The following IPO8 variants were observed in gnomAD, a reference collection of about 807,000 sequenced individuals.
IPO8 encodes the protein importin-8.
In IPO8, 65 loss-of-function variants were observed where a neutral mutation model predicts 141.2. The ratio of observed to expected loss-of-function variants is 0.46; its 90% CI spans 0.38 to 0.57. The LOEUF (loss-of-function observed/expected upper bound fraction) is 0.57, where lower values mean the gene tolerates loss of function less well. Ranked by LOEUF, IPO8 falls within the 20% of genes least tolerant of loss-of-function variation. The pLI is 0.00. For synonymous variants in IPO8, 411 were observed against 420.3 expected, an observed-to-expected ratio of 0.98 and a Z score of 0.27; for missense variants, 980 against 1,246.8, an observed-to-expected ratio of 0.79 and a Z score of 3.22.
intron 16 of IPO8, among the ~76,000 whole-genome samples, chr12:30,659,401 C>T (rs1408400276): frequency 2.0e-5 from 3 of 151,206 alleles, no homozygotes; most frequent in Admixed American, 6.6e-5. Flanking sequence ...TCACTTGAAC[C>T]GGGAGGCCAA....
At chr12:30,672,625 T>C (rs867982966) in intron 8 of IPO8, among the ~76,000 whole-genome samples, 18 of 152,078 alleles carry the variant, frequency 1.2e-4, no homozygotes, top group African/African-American at 3.6e-4. Context: ...GAAAAAACAA[T>C]TGACTCACCA....
At chr12:30,682,718 G>A (rs2053201468) in intron 3 of IPO8, among the ~76,000 whole-genome samples, 1 of 151,678 alleles carries the variant, frequency 6.6e-6, no homozygotes, top group African/African-American at 2.4e-5. Context: ...GGATTCCACA[G>A]GGCAACTAAA....
At position 30,695,751 on chromosome 12, in the gene IPO8, C is replaced by T. The variant is rs2053333862; in HGVS notation, c.-104G>A. The T allele has an allele frequency of 9.6e-7, 1 of 1,044,554 alleles. No individual in the cohort carries two copies. 64.7% of individuals were successfully genotyped at this position (1,044,554 alleles called of 1,614,324 possible). ...TCCTCTTCCGCGACCCCTGGATTAC[C>T]TCACACCCCACCCCCCGCCACCGTC... On this transcript the variant is annotated 5_prime_UTR_variant, in exon 1 of 25. Transcript: ENST00000256079. This position sits in a 1 kb window ranked among gnomAD's most constrained non-coding sequence, Gnocchi z 4.2.
chr12:30,649,484 A>G (rs1591827225), intron 19 of IPO8, among the ~76,000 whole-genome samples: 1 of 152,172 alleles, frequency 6.6e-6, no homozygotes, highest in Non-Finnish European at 1.5e-5. Flanking sequence ...AATTTTCCAC[A>G]TAAATGAAGC....
rs1156847127 is a variant in IPO8 at position 30,693,375 on chromosome 12, T to C, written c.84+2189A>G. On this transcript the variant is annotated intron_variant, in intron 1 of 24. Coordinates refer to ENST00000256079, the MANE Select transcript of IPO8 (RefSeq NM_006390.4). ...GAAAAATGCTGGCCTGAAAAAAATA[T>C]ATAGCTCCAAATGAGAATTTATCCA... Among the ~76,000 whole-genome samples the C allele has an allele frequency of 2.0e-5, 3 of 152,206 alleles. No homozygotes were observed. The South Asian group carries it at 6.2e-4, about 31-fold the overall frequency.
rs755745569 is a variant in IPO8, at chr12:30,652,276, G to A, written c.2088C>T (p.Leu696=). The change falls in exon 19 of 25, where the codon CTC becomes CTT. Residue 696 remains leucine, a synonymous_variant. Transcript: ENST00000256079. ...TATCTATTGTCACATAATTATGCAG[G>A]AGAGGCATCATGTCTGAAAAAAAAT... The part of the protein sequence containing the change: ...CFEYFTDMMP[L]LHNYVTIDTD... The A allele has an allele frequency of 1.2e-5, 19 of 1,593,820 alleles. No homozygotes were observed. The South Asian group carries it at 2.0e-4, about 17-fold the overall frequency.
Position 30,661,163 on chromosome 12 carries a change from G to T in IPO8, c.1859C>A (p.Thr620Lys). 1 of 1,581,380 alleles carries T rather than the reference G, an allele frequency of 6.3e-7. No individual in the cohort carries two copies. Among genetic ancestry groups the T allele is most frequent in the Middle Eastern group, 1.7e-4 (1 of 5,916 alleles). Residue 620 changes from threonine (T) to lysine (K), a missense_variant, in exon 16 of 25, where the codon ACA (threonine) becomes AAA (lysine). By Grantham distance (78) the Thr-to-Lys change is moderately conservative. Around this residue, in one of 3 missense-constraint regions of IPO8, gnomAD observed 924 missense variants for 1,153.9 expected, o/e 0.80. Coordinates refer to ENST00000256079, the MANE Select transcript of IPO8 (RefSeq NM_006390.4). ...CACCTCTTTATGATCTTCTACAACT[G>T]TTAAGATAGTATCAATGGTATGTAA... ...GILHTIDTIL[T>K]VVEDHKEITQ... is the part of the protein sequence containing the mutation.
intron 24 of IPO8, chr12:30,631,635 G>A: frequency 3.4e-6 from 1 of 298,004 alleles, no homozygotes; most frequent in South Asian, 5.8e-5. Flanking sequence ...CCCTTACTTT[G>A]TACCTTTGCC....
chr12:30,649,245 C>T lies in IPO8; in HGVS notation c.2173-13G>A, dbSNP rs576693350. On this transcript the variant is annotated splice_polypyrimidine_tract_variant and intron_variant, in intron 19 of 24. Transcript: ENST00000256079. ...CTCCACATAGTACCTGCAGTAATTA[C>T]AATTTAGCTCAGCAGTAAGTGGCAC... 3 of 1,592,228 alleles carry T rather than the reference C, an allele frequency of 1.9e-6. No individual in the cohort carries two copies. Among genetic ancestry groups the T allele is most frequent in the East Asian group, 4.5e-5 (2 of 44,680 alleles).
intron 20 of IPO8, 27 bp from the exon 21 acceptor site, chr12:30,639,762 C>A (rs1226361930): frequency 6.5e-7 from 1 of 1,549,880 alleles, no homozygotes; most frequent in Non-Finnish European, 8.9e-7. Flanking sequence ...AGAAAGTCAA[C>A]CACACAGACA....
At chr12:30,677,332 C>T in intron 5 of IPO8, 1 of 348,848 alleles carries the variant, frequency 2.9e-6, no homozygotes, top group East Asian at 7.4e-5. Flanking sequence ...ATGCATTACT[C>T]AAATATTTGT....
chr12:30,664,760 G>A (rs12812492), intron 13 of IPO8, among the ~76,000 whole-genome samples: 82,731 of 151,274 alleles, frequency 0.55, 23,152 homozygotes, highest in African/African-American at 0.67. Flanking sequence ...CTTTTTTTTT[G>A]AGACAGGGTC....
chr12:30,631,741 A>G (rs1269661703), intron 24 of IPO8, 154 bp downstream of exon 24: 5 of 601,354 alleles, frequency 8.3e-6, no homozygotes, highest in African/African-American at 1.9e-5. Flanking sequence ...AGTGATTAAA[A>G]CAATCATACA....
intron 7 of IPO8, among the ~76,000 whole-genome samples, chr12:30,674,302 C>T (rs1223793760): frequency 6.6e-6 from 1 of 152,128 alleles, no homozygotes; most frequent in Non-Finnish European, 1.5e-5. Context: ...AAACCAAGAG[C>T]TCCTAAAGGG....
In IPO8 at chr12:30,632,484, A is replaced by C. The variant is rs181628160; in HGVS notation, c.2900-473T>G. Among the ~76,000 whole-genome samples the C allele has an allele frequency of 5.3e-5, 8 of 152,250 alleles. No homozygotes were observed. The East Asian group carries it at 1.5e-3, about 29-fold the overall frequency. On this transcript the variant is annotated intron_variant, in intron 23 of 24. Coordinates refer to ENST00000256079, the MANE Select transcript of IPO8 (RefSeq NM_006390.4). ...ACTCAACACAACTAAAACCAAATTTAACAATTTCCTCCCAAACCTTCTATC... is the reference window on the plus strand; with the variant it reads ...ACTCAACACAACTAAAACCAAATTTCACAATTTCCTCCCAAACCTTCTATC...
intron 10 of IPO8, among the ~76,000 whole-genome samples, chr12:30,667,720 T>G (rs1327765830): frequency 6.6e-6 from 1 of 152,162 alleles, no homozygotes; most frequent in East Asian, 1.9e-4. Flanking sequence ...AAATGTAAAT[T>G]CCCACTGTTA....
intron 16 of IPO8, among the ~76,000 whole-genome samples, chr12:30,658,910 T>A (rs928837310): frequency 7.8e-6 from 1 of 128,848 alleles, no homozygotes; most frequent in African/African-American, 3.0e-5. Flanking sequence ...AGACAGAGTC[T>A]CGCTCTGTCC....
rs751455314 is a variant in IPO8 at position 30,669,225 on chromosome 12, G to C, written c.1102C>G (p.Leu368Val). The change falls in exon 10 of 25, where the codon CTG becomes GTG. Residue 368 changes from leucine to valine, a missense_variant. Physicochemically the swap from Leu to Val is conservative, Grantham distance 32. Coordinates refer to ENST00000256079, the MANE Select transcript of IPO8 (RefSeq NM_006390.4). Reference sequence around the variant, plus strand: ...TACTCATATGGATCTTCTTGCCACAGCTCTTCATCCTCATCTTTATAACAC... The same window carrying C: ...TACTCATATGGATCTTCTTGCCACACCTCTTCATCCTCATCTTTATAACAC... The part of the protein sequence containing the change: ...VMCYKDEDEE[L>V]WQEDPYEYIR... The C allele has an allele frequency of 6.3e-7, 1 of 1,594,312 alleles. No individual in the cohort carries two copies. The highest frequency in any genetic ancestry group is 8.5e-7 in the Non-Finnish European group (1 of 1,171,946).
intron 20 of IPO8, among the ~76,000 whole-genome samples, chr12:30,643,237 A>T (rs905986131): frequency 6.6e-6 from 1 of 152,062 alleles, no homozygotes; most frequent in Non-Finnish European, 1.5e-5. Context: ...ACACACCATC[A>T]CCCATGAAGT....
Sources: allele counts gnomAD v4.1 joint callset (sites outside exome capture counted in the v4.1 genomes callset), GRCh38; gene constraint gnomAD v4.1.1; regional missense constraint gnomAD v4.1.1; non-coding constraint Gnocchi (gnomAD v3.1); transcripts MANE v1.5; gene names NCBI Gene and HGNC (gene_info 2026-07-23, HGNC 2026-07-21).